Variants in NMNAT3 observed in about 807,000 individuals in gnomAD.
The protein encoded by NMNAT3 is nicotinamide/nicotinic acid mononucleotide adenylyltransferase 3.
A neutral mutation model predicts 24.8 loss-of-function variants in NMNAT3; 21 were observed. The observed-to-expected ratio is 0.85, with a 90% CI of 0.60 to 1.22. The LOEUF (loss-of-function observed/expected upper bound fraction) is 1.22. Ranked by LOEUF, NMNAT3 falls within the 50% of genes most tolerant of loss-of-function variation. The probability of loss-of-function intolerance (pLI) is 0.00; values close to 1 mark genes in which losing one functional copy is unlikely to be tolerated. For synonymous variants in NMNAT3, 136 were observed against 155.2 expected, an observed-to-expected ratio of 0.88 and a Z score of 0.92; for missense variants, 387 against 436.6, an observed-to-expected ratio of 0.89 and a Z score of 1.01.
At chr3:139,568,267 T>G (rs1559853787) in intron 6 of NMNAT3, 2 of 152,196 alleles carry the variant, frequency 1.3e-5, no homozygotes, top group Middle Eastern at 3.2e-3. Flanking sequence ...GGTCTATCAA[T>G]TTTGTTGATC....
intron 2 of NMNAT3, among the ~76,000 whole-genome samples, chr3:139,628,565 T>A (rs2056156140): frequency 6.6e-6 from 1 of 152,236 alleles, no homozygotes; most frequent in Non-Finnish European, 1.5e-5. Flanking sequence ...GTCCTTTATC[T>A]GGGGCCCAAG....
At chr3:139,615,686 C>T (rs2055465196) in intron 3 of NMNAT3, among the ~76,000 whole-genome samples, 2 of 150,004 alleles carry the variant, frequency 1.3e-5, no homozygotes, top group African/African-American at 4.9e-5. Context: ...ACTTATTGCT[C>T]AATGCTAGTA....
intron 3 of NMNAT3, among the ~76,000 whole-genome samples, chr3:139,611,940 G>A (rs2108259714): frequency 6.6e-6 from 1 of 152,316 alleles, no homozygotes; most frequent in South Asian, 2.1e-4. Context: ...GGCTGAGGCG[G>A]GCGGATCACC....
chr3:139,572,960 C>T (rs772241071), intron 6 of NMNAT3, among the ~76,000 whole-genome samples: 4 of 152,190 alleles, frequency 2.6e-5, no homozygotes, highest in Non-Finnish European at 2.9e-5. Context: ...ATCTGCACGC[C>T]CACCGCTGCA....
At chr3:139,612,863 G>C (rs1236353375) in intron 3 of NMNAT3, among the ~76,000 whole-genome samples, 3 of 152,110 alleles carry the variant, frequency 2.0e-5, no homozygotes, top group African/African-American at 7.2e-5. Flanking sequence ...TGACAAACCT[G>C]ACAAAAACAA....
chr3:139,586,097 A>G (rs556301580), intron 3 of NMNAT3, among the ~76,000 whole-genome samples: 323 of 152,324 alleles, frequency 2.1e-3, no homozygotes, highest in Non-Finnish European at 3.8e-3. Context: ...TTTAGCTTTA[A>G]TAGTGAAGTT....
chr3:139,596,175 G>C (rs1356610265), intron 3 of NMNAT3, among the ~76,000 whole-genome samples: 1 of 152,060 alleles, frequency 6.6e-6, no homozygotes, highest in Admixed American at 6.6e-5. Flanking sequence ...TGTCCCTTAT[G>C]GGCTGCTGGG....
At chr3:139,666,478 CATA>C (rs1433149710) in intron 1 of NMNAT3, among the ~76,000 whole-genome samples, 2 of 152,172 alleles carry the variant, frequency 1.3e-5, no homozygotes, top group African/African-American at 2.4e-5. Flanking sequence ...TGTGTTAATA[CATA>C]ATAATTGTAC....
At chr3:139,581,467 A>G (rs1316136566) in intron 4 of NMNAT3, among the ~76,000 whole-genome samples, 2 of 152,188 alleles carry the variant, frequency 1.3e-5, no homozygotes, top group Non-Finnish European at 2.9e-5. Context: ...ATAAACAGAT[A>G]ACACTAATTG....
intron 3 of NMNAT3, among the ~76,000 whole-genome samples, chr3:139,601,671 G>A (rs1242328083): frequency 6.6e-6 from 1 of 152,182 alleles, no homozygotes; most frequent in Non-Finnish European, 1.5e-5. Context: ...AAATAAATAT[G>A]ATGGGAGCCC....
intron 1 of NMNAT3, among the ~76,000 whole-genome samples, chr3:139,649,093 T>C (rs1337978280): frequency 1.3e-5 from 2 of 152,130 alleles, no homozygotes; most frequent in African/African-American, 2.4e-5. Flanking sequence ...CTAATGCACT[T>C]TTTCCCTAAG....
intron 5 of NMNAT3, chr3:139,575,906 T>C: frequency 7.8e-7 from 1 of 1,283,064 alleles, no homozygotes; most frequent in Non-Finnish European, 1.0e-6. Flanking sequence ...GCCATAAGCA[T>C]GGCTTCAGAG....
chr3:139,664,458 A>G (rs2057513857), intron 1 of NMNAT3, among the ~76,000 whole-genome samples: 1 of 152,204 alleles, frequency 6.6e-6, no homozygotes, highest in Non-Finnish European at 1.5e-5. Flanking sequence ...TCCTCTTTCA[A>G]TAGGGATACT....
At chr3:139,585,674 T>G (rs2053908645) in intron 3 of NMNAT3, among the ~76,000 whole-genome samples, 1 of 152,202 alleles carries the variant, frequency 6.6e-6, no homozygotes, top group African/African-American at 2.4e-5. Flanking sequence ...TGGCTTGAGT[T>G]TTTTTGGCTA....
chr3:139,581,172 C>T (rs576735183), intron 4 of NMNAT3, among the ~76,000 whole-genome samples: 47 of 152,216 alleles, frequency 3.1e-4, no homozygotes, highest in African/African-American at 1.1e-3. Context: ...AACAGGACTA[C>T]TCTAGATTAA....
intron 1 of NMNAT3, among the ~76,000 whole-genome samples, chr3:139,670,086 G>A (rs531846687): frequency 1.3e-5 from 2 of 152,222 alleles, no homozygotes; most frequent in African/African-American, 4.8e-5. Context: ...AAACTTTTGG[G>A]GTTGGTTATA....
At chr3:139,574,794 CATGA>C (rs1341296153) in intron 5 of NMNAT3, among the ~76,000 whole-genome samples, 1 of 152,180 alleles carries the variant, frequency 6.6e-6, no homozygotes, top group East Asian at 1.9e-4. Flanking sequence ...ATCAAAAGAT[CATGA>C]ATGAAAAATT....
intron 3 of NMNAT3, among the ~76,000 whole-genome samples, chr3:139,599,978 C>T (rs1403680229): frequency 1.3e-5 from 2 of 152,180 alleles, no homozygotes; most frequent in Admixed American, 6.5e-5. Flanking sequence ...GCTGGGACCA[C>T]GGTGGCCATT....
upstream of NMNAT3, chr3:139,678,029 GC>G (rs1286178918): frequency 2.2e-5 from 3 of 133,438 alleles, no homozygotes; most frequent in Non-Finnish European, 4.8e-5. Context: ...AGGAGACCCG[GC>G]CCTGGCCCCG....
Sources: allele counts gnomAD v4.1 joint callset (sites outside exome capture counted in the v4.1 genomes callset), GRCh38; gene constraint gnomAD v4.1.1; transcripts MANE v1.5; gene names NCBI Gene and HGNC (gene_info 2026-07-23, HGNC 2026-07-21).